Variants in POLR1C observed in about 807,000 individuals in gnomAD.
POLR1C encodes DNA-directed RNA polymerases I and III subunit RPAC1.
A neutral mutation model predicts 38.3 loss-of-function variants in POLR1C; 42 were observed. The observed-to-expected ratio is 1.10, with a 90% CI of 0.86 to 1.42. The LOEUF is 1.42. Among genes scored for constraint, POLR1C ranks in the 40% most tolerant of loss-of-function variants. POLR1C has a pLI of 0.00. For missense variants in POLR1C, 507 were observed against 450.5 expected, an observed-to-expected ratio of 1.13 and a Z score of -1.14; for synonymous variants, 163 against 163.9, an observed-to-expected ratio of 0.99 and a Z score of 0.04.
chr6:43,543,837 T>C (rs6931025), intron 9 of POLR1C, among the ~76,000 whole-genome samples: 28,537 of 151,826 alleles, frequency 0.19, 5,734 homozygotes, highest in African/African-American at 0.51. Context: ...CCACCATGCC[T>C]GGCTAATTTT....
chr6:43,558,438 G>T, intron 10 of POLR1C: 1 of 1,421,630 alleles, frequency 7.0e-7, no homozygotes. Context: ...CATGCACCAT[G>T]ATTCATAATA....
At chr6:43,562,356 G>A in exon 11 of POLR1C, 8 of 1,589,394 alleles carry the variant, frequency 5.0e-6, no homozygotes, top group Non-Finnish European at 6.9e-6. Context: ...CCTGTAAGAT[G>A]AGAATTCCTT....
chr6:43,533,965 C>A, downstream of POLR1C: 1 of 1,606,970 alleles, frequency 6.2e-7, no homozygotes. Flanking sequence ...AAGGCTCTGC[C>A]ATTTTGGCTA....
intron 7 of POLR1C, 55 bp downstream of exon 7, chr6:43,520,829 G>A: frequency 2.5e-6 from 4 of 1,606,412 alleles, no homozygotes; most frequent in Non-Finnish European, 3.4e-6. Flanking sequence ...TTTCTTTCAA[G>A]GTGACAGAAA....
intron 9 of POLR1C, among the ~76,000 whole-genome samples, chr6:43,535,018 C>T (rs867949932): frequency 6.6e-6 from 1 of 151,820 alleles, no homozygotes; most frequent in Non-Finnish European, 1.5e-5. Flanking sequence ...AAAGGCCAGG[C>T]GCAGTGGCTC....
downstream of POLR1C, chr6:43,525,212 A>G (rs1028940692): frequency 6.4e-7 from 1 of 1,572,336 alleles, no homozygotes; most frequent in African/African-American, 1.4e-5. Context: ...CTGTACAAAC[A>G]TCCTGAACAG....
At chr6:43,517,249 TGGGGATA>T in intron 1 of POLR1C, 50 bp from the exon 2 acceptor site, 1 of 1,606,076 alleles carries the variant, frequency 6.2e-7, no homozygotes, top group Non-Finnish European at 8.5e-7. Flanking sequence ...GGGATTGGCG[TGGGGATA>T]GCTGTGGGCT....
At position 43,520,325 on chromosome 6, in the gene POLR1C, T is replaced by C. The variant is rs1485279042; in HGVS notation, c.553T>C (p.Phe185Leu). ...CCCCCTGGGGAACCAGGCTGATCTC[T>C]TTCCAGAGGGCACTATCCGACCAGT... is the stretch of plus-strand genomic sequence containing the variant. Reference protein sequence around the residue: ...WIPLGNQADLFPEGTIRPVHD... With the variant: ...WIPLGNQADLLPEGTIRPVHD... Residue 185 changes from phenylalanine (F) to leucine (L), a missense_variant, in exon 6 of 9, where the codon TTT becomes CTT. Physicochemically the swap from Phe to Leu is conservative, Grantham distance 22. Transcript: ENST00000642195. 15 of 1,613,310 alleles carry C rather than the reference T, an allele frequency of 9.3e-6. No homozygotes were observed. Among genetic ancestry groups the C allele is most frequent in the Non-Finnish European group, 1.3e-5 (15 of 1,179,978 alleles).
At position 43,520,381 on chromosome 6, in the gene POLR1C, G is replaced by A; in HGVS notation, c.609G>A (p.Arg203=). ...ATGATATCCTCATCGCTCAGCTGCGGCCTGGCCAAGAAATTGACCTGCTCA... is the reference window on the plus strand; with the variant it reads ...ATGATATCCTCATCGCTCAGCTGCGACCTGGCCAAGAAATTGACCTGCTCA... ...VHDDILIAQL[R]PGQEIDLLMH... The change falls in exon 6 of 9, where the codon CGG becomes CGA. Residue 203 remains arginine (R), a synonymous_variant. Coordinates refer to ENST00000642195, the MANE Select transcript of POLR1C (RefSeq NM_203290.4). 6.2e-7 allele frequency: 1 copy of A among 1,613,858 alleles called. No individual in the cohort carries two copies.
At chr6:43,519,617 A>C in intron 3 of POLR1C, 89 bp from the exon 4 acceptor site, 3 of 1,556,898 alleles carry the variant, frequency 1.9e-6, no homozygotes, top group Admixed American at 1.7e-5. Flanking sequence ...GAAGAGAGAT[A>C]GCTCCCTACC....
chr6:43,552,230 G>C (rs922898840), intron 10 of POLR1C, among the ~76,000 whole-genome samples: 2 of 151,948 alleles, frequency 1.3e-5, no homozygotes, highest in Non-Finnish European at 2.9e-5. Flanking sequence ...GCTAATTTTT[G>C]TATTTTTAGT....
At chr6:43,538,942 G>A (rs868723847) in intron 9 of POLR1C, 11 of 1,330,158 alleles carry the variant, frequency 8.3e-6, no homozygotes, top group Admixed American at 1.7e-5. Context: ...CCTTCCAGAG[G>A]TCGGGGGTCA....
intron 9 of POLR1C, chr6:43,546,426 C>G (rs1325025099): frequency 2.6e-6 from 2 of 762,014 alleles, no homozygotes; most frequent in Admixed American, 3.9e-5. Context: ...TTTTTTAAAA[C>G]TGAGACACCC....
intron 2 of POLR1C, among the ~76,000 whole-genome samples, chr6:43,517,760 G>A (rs1158222262): frequency 6.6e-6 from 1 of 152,160 alleles, no homozygotes; most frequent in Non-Finnish European, 1.5e-5. Context: ...AAAAGAACAG[G>A]AGTTAAATTA....
At chr6:43,517,422 C>G (rs566468380) in intron 2 of POLR1C, 45 bp downstream of exon 2, 2 of 1,533,042 alleles carry the variant, frequency 1.3e-6, no homozygotes, top group South Asian at 1.1e-5. Context: ...GAAGGCCAGA[C>G]CTTGTGGTCT....
downstream of POLR1C, chr6:43,524,487 A>G (rs1294557639): frequency 6.2e-7 from 1 of 1,613,678 alleles, no homozygotes; most frequent in Non-Finnish European, 8.5e-7. Flanking sequence ...GCAACCAGCA[A>G]TGAGGCGTTT....
intron 5 of POLR1C, 44 bp downstream of exon 5, chr6:43,520,229 C>T (rs756957074): frequency 6.2e-7 from 1 of 1,613,982 alleles, no homozygotes; most frequent in South Asian, 1.1e-5. Flanking sequence ...CTGTGGGTAG[C>T]TGCTAGTTTT....
chr6:43,522,554 C>T (rs1012707301), downstream of POLR1C: 9 of 267,516 alleles, frequency 3.4e-5, no homozygotes, highest in South Asian at 1.6e-4. Flanking sequence ...ATCGCCTTCA[C>T]GATCCACAGA....
downstream of POLR1C, chr6:43,530,713 A>G: frequency 1.2e-6 from 2 of 1,614,008 alleles, no homozygotes; most frequent in Non-Finnish European, 1.7e-6. Flanking sequence ...GTCGGTAGTC[A>G]GGAATATTGT....
Sources: gnomAD v4.1 joint callset for allele counts (sites outside exome capture counted in the v4.1 genomes callset) on GRCh38, gnomAD v4.1.1 for gene constraint, MANE v1.5 for transcripts, NCBI Gene and HGNC (gene_info 2026-07-23, HGNC 2026-07-21) for gene names.